DNAJC1: variants seen among roughly 807,000 people sequenced by gnomAD.
DNAJC1 encodes dnaJ homolog subfamily C member 1.
DNAJC1 carries 58 observed loss-of-function variants against 76.6 expected under a neutral mutation model. The observed-to-expected ratio is 0.76, with a 90% CI of 0.61 to 0.94. The LOEUF is 0.94. DNAJC1 is among the 40% of genes least tolerant of loss of function. The pLI is 0.00. For synonymous variants in DNAJC1, 258 were observed against 267.9 expected (o/e 0.96, Z 0.36); for missense variants, 689 against 677.3 (o/e 1.02, Z -0.19).
At chr10:21,783,475 C>A (rs867948467) in intron 9 of DNAJC1, among the ~76,000 whole-genome samples, 1 of 152,138 alleles carries the variant, frequency 6.6e-6, no homozygotes, top group South Asian at 2.1e-4. Context: ...GGCCATACTA[C>A]CCAAGGTAAT....
At chr10:21,931,980 C>A (rs565278969) in intron 1 of DNAJC1, among the ~76,000 whole-genome samples, 115 of 152,128 alleles carry the variant, frequency 7.6e-4, no homozygotes, top group Non-Finnish European at 1.4e-3. Flanking sequence ...AGTCAGGTGA[C>A]CTCTATGAAG....
chr10:21,968,431 T>G (rs931888076), intron 1 of DNAJC1, among the ~76,000 whole-genome samples: 1 of 152,164 alleles, frequency 6.6e-6, no homozygotes, highest in African/African-American at 2.4e-5. Context: ...AACCCAACTT[T>G]GAGTTCCTAG....
intron 9 of DNAJC1, among the ~76,000 whole-genome samples, chr10:21,772,092 C>T (rs1168507873): frequency 6.6e-6 from 1 of 152,072 alleles, no homozygotes; most frequent in African/African-American, 2.4e-5. Flanking sequence ...CCACCATGCC[C>T]AGCTTCATGG....
intron 1 of DNAJC1, among the ~76,000 whole-genome samples, chr10:21,963,137 A>G (rs1268296066): frequency 2.0e-5 from 3 of 152,218 alleles, no homozygotes; most frequent in Non-Finnish European, 4.4e-5. Flanking sequence ...TATAGCAGGT[A>G]AAAGTCAATT....
intron 1 of DNAJC1, among the ~76,000 whole-genome samples, chr10:21,997,657 G>A (rs537236252): frequency 6.6e-6 from 1 of 152,232 alleles, no homozygotes; most frequent in South Asian, 2.1e-4. Flanking sequence ...CGGATGAATG[G>A]GCAATAATTG....
At chr10:21,808,863 T>C (rs1347635913) in intron 8 of DNAJC1, among the ~76,000 whole-genome samples, 1 of 152,236 alleles carries the variant, frequency 6.6e-6, no homozygotes, top group Non-Finnish European at 1.5e-5. Context: ...CCACATGGTG[T>C]GGAGACAGCT....
At chr10:21,937,263 T>C (rs1317150118) in intron 1 of DNAJC1, among the ~76,000 whole-genome samples, 1 of 151,978 alleles carries the variant, frequency 6.6e-6, no homozygotes, top group South Asian at 2.1e-4. Flanking sequence ...AGATCAAAAG[T>C]GAATGGATGA....
At chr10:21,778,210 T>G (rs1834478365) in intron 9 of DNAJC1, among the ~76,000 whole-genome samples, 1 of 151,908 alleles carries the variant, frequency 6.6e-6, no homozygotes, top group Non-Finnish European at 1.5e-5. Flanking sequence ...GAAAAAAAAA[T>G]GCTGATATTA....
intron 8 of DNAJC1, among the ~76,000 whole-genome samples, chr10:21,836,654 CAAAA>C (rs1564802944): frequency 2.0e-5 from 3 of 151,604 alleles, no homozygotes; most frequent in Admixed American, 1.3e-4. Flanking sequence ...AAATGGAAAA[CAAAA>C]AAAGGCAGGG....
At chr10:21,822,139 A>C in intron 8 of DNAJC1, among the ~76,000 whole-genome samples, 1 of 152,194 alleles carries the variant, frequency 6.6e-6, no homozygotes, top group Non-Finnish European at 1.5e-5. Context: ...CTTAGAACAG[A>C]CTCATTTCAA....
intron 6 of DNAJC1, among the ~76,000 whole-genome samples, chr10:21,905,507 G>C (rs537018192): frequency 6.6e-6 from 1 of 152,190 alleles, no homozygotes; most frequent in East Asian, 1.9e-4. Context: ...GCATTATTCT[G>C]ATGAACTCTT....
chr10:21,817,259 T>C (rs1376075197), intron 8 of DNAJC1, among the ~76,000 whole-genome samples: 1 of 151,396 alleles, frequency 6.6e-6, no homozygotes, highest in Non-Finnish European at 1.5e-5. Context: ...AAAAACATGG[T>C]GATATGCTAA....
intron 10 of DNAJC1, among the ~76,000 whole-genome samples, chr10:21,760,901 T>A (rs1001271108): frequency 6.6e-6 from 1 of 152,224 alleles, no homozygotes; most frequent in East Asian, 1.9e-4. Flanking sequence ...TTAGGCCAGG[T>A]GCAGTGTGGC....
At chr10:21,870,951 T>C (rs1039926802) in intron 8 of DNAJC1, among the ~76,000 whole-genome samples, 60 of 70,134 alleles carry the variant, frequency 8.6e-4, no homozygotes, top group Admixed American at 1.2e-3. Context: ...TTACCAGTAC[T>C]AGAAGGAACA....
At chr10:22,000,961 CACA>C (rs1838509309) in intron 1 of DNAJC1, among the ~76,000 whole-genome samples, 2 of 152,210 alleles carry the variant, frequency 1.3e-5, no homozygotes, top group Non-Finnish European at 2.9e-5. Context: ...TGGCCTACAA[CACA>C]ACAATTACCC....
chr10:21,845,247 G>A (rs1237759739), intron 8 of DNAJC1, among the ~76,000 whole-genome samples: 1 of 151,884 alleles, frequency 6.6e-6, no homozygotes, highest in Non-Finnish European at 1.5e-5. Context: ...CATAGATTCT[G>A]ATCTTCCATC....
At chr10:21,963,480 A>G (rs1343836598) in intron 1 of DNAJC1, among the ~76,000 whole-genome samples, 1 of 152,262 alleles carries the variant, frequency 6.6e-6, no homozygotes, top group Non-Finnish European at 1.5e-5. Flanking sequence ...TAGATAGAAT[A>G]AAGCTGAAGG....
At chr10:21,905,286 A>G (rs1836724675) in intron 6 of DNAJC1, among the ~76,000 whole-genome samples, 1 of 151,850 alleles carries the variant, frequency 6.6e-6, no homozygotes, top group Non-Finnish European at 1.5e-5. Flanking sequence ...GGTCTTAAAT[A>G]ATGACATACA....
At chr10:21,955,938 T>C (rs2131812316) in intron 1 of DNAJC1, among the ~76,000 whole-genome samples, 1 of 152,356 alleles carries the variant, frequency 6.6e-6, no homozygotes, top group South Asian at 2.1e-4. Flanking sequence ...AAAACTACTT[T>C]AAAAAATTTA....
Sources: allele counts gnomAD v4.1 joint callset (sites outside exome capture counted in the v4.1 genomes callset), GRCh38; gene constraint gnomAD v4.1.1; transcripts MANE v1.5; gene names NCBI Gene and HGNC (gene_info 2026-07-23, HGNC 2026-07-21).